The following DCUN1D4 variants were observed in gnomAD, a reference collection of about 807,000 sequenced individuals.
The protein encoded by DCUN1D4 is defective in cullin neddylation 1 domain containing 4, also known as DCN1-like protein 4.
In DCUN1D4, 22 loss-of-function variants were observed where a neutral mutation model predicts 47.9. That is an observed-to-expected ratio of 0.46 (90% CI 0.33 to 0.66). The LOEUF (loss-of-function observed/expected upper bound fraction) is 0.66. DCUN1D4 is among the 30% of genes least tolerant of loss of function. DCUN1D4 has a pLI of 0.02. For synonymous variants in DCUN1D4, 121 were observed against 112.2 expected (o/e 1.08, Z -0.50); for missense variants, 301 against 340.8 (o/e 0.88, Z 0.92).
intron 4 of DCUN1D4, among the ~76,000 whole-genome samples, chr4:51,876,363 A>C (rs916259702): frequency 1.3e-5 from 2 of 151,974 alleles, no homozygotes; most frequent in Non-Finnish European, 2.9e-5. Context: ...TGGGAATTGA[A>C]CAATGAGAAC....
chr4:51,853,596 A>G lies in DCUN1D4; in HGVS notation c.26-9841A>G, dbSNP rs141117350. Reference sequence around the variant, plus strand: ...AGGGATTGAGTTGAGAGTCAGGGATAGAATCTACTTCTCTGGTTGCATGTT... The same window carrying G: ...AGGGATTGAGTTGAGAGTCAGGGATGGAATCTACTTCTCTGGTTGCATGTT... On this transcript the variant is annotated intron_variant, in intron 1 of 10. Coordinates refer to ENST00000334635, the MANE Select transcript of DCUN1D4 (RefSeq NM_001040402.3). 2.3e-3 allele frequency among the ~76,000 whole-genome samples: 345 copies of G among 152,306 alleles called. 2 individuals are homozygous for G. The highest frequency in any genetic ancestry group is 7.8e-3 in the African/African-American group (323 of 41,550).
chr4:51,848,145 TG>T (rs1157021030), intron 1 of DCUN1D4: 2 of 1,248,698 alleles, frequency 1.6e-6, no homozygotes, highest in African/African-American at 3.1e-5. Context: ...ACTCATTCTT[TG>T]CATTTTTTAG....
At chr4:51,855,327 A>T (rs527476644) in intron 1 of DCUN1D4, among the ~76,000 whole-genome samples, 1 of 152,358 alleles carries the variant, frequency 6.6e-6, no homozygotes, top group East Asian at 1.9e-4. Flanking sequence ...AACTCTGAAT[A>T]TACTGAAACC....
At chr4:51,899,142 A>C in intron 7 of DCUN1D4, 128 bp from the exon 8 acceptor site, 1 of 1,370,768 alleles carries the variant, frequency 7.3e-7, no homozygotes, top group East Asian at 2.8e-5. Flanking sequence ...TAGAAAAAAT[A>C]GGTTATGGAT....
chr4:51,905,923 C>A (rs374107003), intron 8 of DCUN1D4, among the ~76,000 whole-genome samples: 2 of 151,782 alleles, frequency 1.3e-5, no homozygotes, highest in South Asian at 4.2e-4. Flanking sequence ...GTGGAGTGAT[C>A]GAGGTGAACC....
At chr4:51,877,623 T>C in intron 4 of DCUN1D4, 140 bp from the exon 5 acceptor site, 4 of 569,284 alleles carry the variant, frequency 7.0e-6, no homozygotes, top group Non-Finnish European at 9.2e-6. Flanking sequence ...AGCCTGCAAA[T>C]GCAGGAAATA....
chr4:51,886,969 C>A (rs562305288), intron 6 of DCUN1D4: 2 of 418,480 alleles, frequency 4.8e-6, no homozygotes, highest in Non-Finnish European at 4.6e-6. Context: ...ACCTTCGTGC[C>A]CCTCAGTAGT....
chr4:51,907,527 G>C (rs1733082502), intron 8 of DCUN1D4, among the ~76,000 whole-genome samples: 1 of 152,088 alleles, frequency 6.6e-6, no homozygotes, highest in Non-Finnish European at 1.5e-5. Flanking sequence ...TTCACTTAAG[G>C]CCTTTTGATT....
At chr4:51,873,234 C>T (rs548198846) in intron 3 of DCUN1D4, among the ~76,000 whole-genome samples, 2 of 152,196 alleles carry the variant, frequency 1.3e-5, no homozygotes, top group African/African-American at 4.8e-5. Context: ...TTCACCACTT[C>T]TCACTCCTGA....
chr4:51,899,270 A>G lies in DCUN1D4; in HGVS notation c.507A>G (p.Gln169=). 1 of 1,594,678 alleles carries G rather than the reference A, an allele frequency of 6.3e-7. No homozygotes were observed. The highest frequency in any genetic ancestry group is 8.5e-7 in the Non-Finnish European group (1 of 1,174,250). ...QEWLKGMTSL[Q]CDTTEKLRNT... Reference sequence around the variant, plus strand: ...ATTTGCCTTTATTCTGTTTTTCTAGATGTGATACAACAGAAAAACTCAGAA... The same window carrying G: ...ATTTGCCTTTATTCTGTTTTTCTAGGTGTGATACAACAGAAAAACTCAGAA... The change falls in exon 8 of 11, where the codon CAA becomes CAG. Residue 169 remains glutamine, a splice_region_variant and synonymous_variant. Coordinates refer to ENST00000334635, the MANE Select transcript of DCUN1D4 (RefSeq NM_001040402.3).
intron 5 of DCUN1D4, among the ~76,000 whole-genome samples, chr4:51,883,425 A>G (rs1386126917): frequency 2.0e-5 from 3 of 152,220 alleles, no homozygotes; most frequent in African/African-American, 4.8e-5. Flanking sequence ...TGTCTAATAC[A>G]TACATGAATG....
chr4:51,913,459 T>C, intron 10 of DCUN1D4, 67 bp downstream of exon 10: 1 of 1,574,304 alleles, frequency 6.4e-7, no homozygotes, highest in Middle Eastern at 1.7e-4. Flanking sequence ...GGGAAAAGCC[T>C]CAGCTACATT....
Position 51,860,438 on chromosome 4 carries a change from G to T in DCUN1D4, c.26-2999G>T, listed in dbSNP as rs1724865390. The T allele has an allele frequency of 6.4e-5, 22 of 345,544 alleles. 1 individual carries two copies. The highest frequency in any genetic ancestry group is 4.8e-4 in the South Asian group (21 of 44,110). 21.4% of individuals were successfully genotyped at this position (345,544 alleles called of 1,614,324 possible). ...GCAGTCAACATTATGAACATCAGTT[G>T]CTGGTATATGAGTCGCAGTGCCATT... On this transcript the variant is annotated intron_variant, in intron 1 of 10. Transcript: ENST00000334635.
chr4:51,855,209 CAG>C (rs1297525415), intron 1 of DCUN1D4, among the ~76,000 whole-genome samples: 4 of 151,990 alleles, frequency 2.6e-5, no homozygotes, highest in Non-Finnish European at 5.9e-5. Context: ...TCTATAGAGA[CAG>C]AAAGTAGATT....
intron 6 of DCUN1D4, among the ~76,000 whole-genome samples, chr4:51,889,115 GAA>G (rs551308113): frequency 1.3e-5 from 2 of 151,034 alleles, no homozygotes; most frequent in African/African-American, 2.4e-5. Flanking sequence ...TCTCGAAAAA[GAA>G]AAAAAAGAGA....
intron 8 of DCUN1D4, among the ~76,000 whole-genome samples, chr4:51,901,802 C>T (rs1188497632): frequency 2.0e-5 from 3 of 152,132 alleles, no homozygotes; most frequent in Admixed American, 6.5e-5. Context: ...AAAGGAGAGT[C>T]TCAATTAATA....
rs1328691651 is a variant in DCUN1D4 at position 51,892,144 on chromosome 4, A to ATGTAACT, written c.506+295_506+301dup. Among the ~76,000 whole-genome samples the ATGTAACT allele has an allele frequency of 3.3e-5, 5 of 152,254 alleles. No homozygotes were observed. The East Asian group carries it at 9.6e-4, about 29-fold the overall frequency. ...TTTCTCATACGAGAAAGCCACCTCTATGTAACTTAAGATTTTTTAATAGCT... is the reference window on the plus strand; with the variant it reads ...TTTCTCATACGAGAAAGCCACCTCTATGTAACTTGTAACTTAAGATTTTTTAATAGCT... On this transcript the variant is annotated intron_variant, in intron 7 of 10. Coordinates refer to ENST00000334635, the MANE Select transcript of DCUN1D4 (RefSeq NM_001040402.3).
At chr4:51,905,208 G>A in intron 8 of DCUN1D4, 1 of 455,480 alleles carries the variant, frequency 2.2e-6, no homozygotes, top group Non-Finnish European at 4.4e-6. Flanking sequence ...ATGCTTGAGA[G>A]CTGAAAGGAT....
intron 3 of DCUN1D4, among the ~76,000 whole-genome samples, chr4:51,868,168 G>T (rs2109938395): frequency 6.6e-6 from 1 of 152,358 alleles, no homozygotes; most frequent in Middle Eastern, 3.4e-3. Context: ...AGGCTGTGGG[G>T]GCAGGGGGCC....
Sources: allele counts gnomAD v4.1 joint callset (sites outside exome capture counted in the v4.1 genomes callset), GRCh38; gene constraint gnomAD v4.1.1; transcripts MANE v1.5; gene names NCBI Gene and HGNC (gene_info 2026-07-23, HGNC 2026-07-21).